The following CCSER1 variants were observed in gnomAD, a reference collection of about 807,000 sequenced individuals.
CCSER1 encodes the protein coiled-coil serine rich protein 1.
In CCSER1, 41 loss-of-function variants were observed where a neutral mutation model predicts 82.0. The ratio of observed to expected loss-of-function variants is 0.50; its 90% confidence interval spans 0.39 to 0.65. The LOEUF is 0.65. Among genes scored for constraint, CCSER1 ranks in the 30% least tolerant of loss-of-function variants. CCSER1 has a pLI of 0.00. For missense variants in CCSER1, 1,119 were observed against 1,064.2 expected (o/e 1.05, Z -0.72); for synonymous variants, 414 against 383.9 (o/e 1.08, Z -0.92).
At chr4:91,047,098 A>G (rs550244689) in intron 9 of CCSER1, among the ~76,000 whole-genome samples, 1 of 152,252 alleles carries the variant, frequency 6.6e-6, no homozygotes, top group South Asian at 2.1e-4. Context: ...CCCTCGCAAC[A>G]AAGTGCAAGG....
chr4:91,085,210 A>C (rs1261870150), intron 9 of CCSER1, among the ~76,000 whole-genome samples: 2 of 152,026 alleles, frequency 1.3e-5, no homozygotes, highest in African/African-American at 2.4e-5. Flanking sequence ...ATTTTCATCA[A>C]AAATAGATAA....
chr4:91,227,553 G>A (rs1486718750), intron 10 of CCSER1, among the ~76,000 whole-genome samples: 1 of 150,812 alleles, frequency 6.6e-6, no homozygotes, highest in African/African-American at 2.4e-5. Context: ...TACATGTACT[G>A]GTTTTTTTTT....
At chr4:90,770,938 T>C (rs1470114188) in intron 7 of CCSER1, among the ~76,000 whole-genome samples, 2 of 152,120 alleles carry the variant, frequency 1.3e-5, no homozygotes, top group Non-Finnish European at 2.9e-5. Context: ...ATCACCTAAG[T>C]TGGAAGAAAA....
At chr4:91,393,530 C>T (rs1366731604) in intron 10 of CCSER1, among the ~76,000 whole-genome samples, 1 of 151,964 alleles carries the variant, frequency 6.6e-6, no homozygotes, top group African/African-American at 2.4e-5. Context: ...TCAGAAAACT[C>T]TCATTTCAAA....
intron 7 of CCSER1, among the ~76,000 whole-genome samples, chr4:90,790,269 A>C (rs1214389979): frequency 1.3e-5 from 2 of 152,184 alleles, no homozygotes; most frequent in African/African-American, 2.4e-5. Context: ...AAACTGCATA[A>C]ATTTAAATAT....
At chr4:91,521,997 G>A (rs1760498848) in intron 10 of CCSER1, among the ~76,000 whole-genome samples, 1 of 152,014 alleles carries the variant, frequency 6.6e-6, no homozygotes. Context: ...TTTCTTCTAG[G>A]GTTTTTATGG....
At chr4:90,535,971 T>C (rs1387062244) in intron 5 of CCSER1, among the ~76,000 whole-genome samples, 1 of 152,054 alleles carries the variant, frequency 6.6e-6, no homozygotes, top group East Asian at 1.9e-4. Context: ...TATGCCTTGA[T>C]TGTAACATAA....
intron 6 of CCSER1, among the ~76,000 whole-genome samples, chr4:90,682,610 A>G (rs1490716547): frequency 1.3e-5 from 2 of 151,998 alleles, no homozygotes; most frequent in Non-Finnish European, 2.9e-5. Context: ...AAAGTCATTC[A>G]GGGTCTCATA....
At chr4:90,882,999 A>G (rs1291907699) in intron 8 of CCSER1, among the ~76,000 whole-genome samples, 2 of 152,076 alleles carry the variant, frequency 1.3e-5, no homozygotes, top group African/African-American at 4.8e-5. Context: ...AATTCTATAC[A>G]GTAGTTTCTA....
At chr4:91,331,076 G>C (rs1417133737) in intron 10 of CCSER1, among the ~76,000 whole-genome samples, 2 of 151,950 alleles carry the variant, frequency 1.3e-5, no homozygotes, top group Non-Finnish European at 2.9e-5. Flanking sequence ...ATCCACTGGG[G>C]GTCTTGAAAT....
intron 7 of CCSER1, among the ~76,000 whole-genome samples, chr4:90,775,124 C>T (rs188258778): frequency 6.6e-6 from 1 of 152,224 alleles, no homozygotes; most frequent in African/African-American, 2.4e-5. Flanking sequence ...TGACTCTTCA[C>T]CACCTCAAAG....
At chr4:90,143,491 T>TACACACACACAC (rs56859054) in intron 1 of CCSER1, among the ~76,000 whole-genome samples, 2,347 of 141,360 alleles carry the variant, frequency 0.017, 38 homozygotes, top group Non-Finnish European at 0.02. Context: ...AGTACACACA[T>TACACACACACAC]ACACACACAC....
At chr4:91,575,246 C>T (rs1763392519) in intron 10 of CCSER1, among the ~76,000 whole-genome samples, 1 of 151,860 alleles carries the variant, frequency 6.6e-6, no homozygotes, top group African/African-American at 2.4e-5. Flanking sequence ...AAACATAAGA[C>T]CTAAAACCAT....
At chr4:90,494,503 A>G (rs144795538) in intron 5 of CCSER1, among the ~76,000 whole-genome samples, 1,777 of 152,280 alleles carry the variant, frequency 0.012, 12 homozygotes, top group South Asian at 0.022. Flanking sequence ...AAAACTGACT[A>G]CATATTTGGA....
chr4:90,788,127 GA>G (rs1306027957), intron 7 of CCSER1, among the ~76,000 whole-genome samples: 1 of 152,126 alleles, frequency 6.6e-6, no homozygotes, highest in Non-Finnish European at 1.5e-5. Flanking sequence ...TTAGAAATAA[GA>G]ATAAGCACTT....
intron 9 of CCSER1, among the ~76,000 whole-genome samples, chr4:90,929,644 G>A (rs1026939427): frequency 3.9e-5 from 6 of 152,184 alleles, no homozygotes; most frequent in East Asian, 1.9e-4. Context: ...GGTTGAGATC[G>A]TTATGAGGAA....
rs532729680 is a variant in CCSER1 at position 90,650,939 on chromosome 4, A to C, written c.1932+22707A>C. 7.2e-5 allele frequency among the ~76,000 whole-genome samples: 11 copies of C among 152,368 alleles called. 1 individual carries two copies. Among genetic ancestry groups the C allele is most frequent in the Middle Eastern group, 3.4e-3 (1 of 294 alleles). On this transcript the variant is annotated intron_variant, in intron 6 of 10. Transcript: ENST00000509176. Reference sequence around the variant, plus strand: ...AAATGTTTAAGAACATAAACTATGAAGTCGAACTAACTTGGGATAGAATCT... The same window carrying C: ...AAATGTTTAAGAACATAAACTATGACGTCGAACTAACTTGGGATAGAATCT...
rs576776990 is a variant in CCSER1 at position 90,749,861 on chromosome 4, C to T, written c.2010+25870C>T. Among the ~76,000 whole-genome samples, 465 of 151,732 alleles carry T rather than the reference C, an allele frequency of 3.1e-3. 3 individuals carry two copies. The highest frequency in any genetic ancestry group is 0.01 in the African/African-American group (429 of 41,452). Reference sequence around the variant, plus strand: ...TTCTAGTTCTAGATCCCTGAGGAATCGCCACACTGACTTCCACAATGGTTG... The same window carrying T: ...TTCTAGTTCTAGATCCCTGAGGAATTGCCACACTGACTTCCACAATGGTTG... On this transcript the variant is annotated intron_variant, in intron 7 of 10. Transcript: ENST00000509176.
At chr4:90,904,286 C>T (rs1004534927) in intron 8 of CCSER1, among the ~76,000 whole-genome samples, 1 of 152,122 alleles carries the variant, frequency 6.6e-6, no homozygotes, top group Admixed American at 6.6e-5. Context: ...GATACTTTCA[C>T]TCTCTGCACT....
Sources: allele counts gnomAD v4.1 joint callset (sites outside exome capture counted in the v4.1 genomes callset), GRCh38; gene constraint gnomAD v4.1.1; transcripts MANE v1.5; gene names NCBI Gene and HGNC (gene_info 2026-07-23, HGNC 2026-07-21).